Variants in NPAT observed in about 807,000 individuals in gnomAD.
The protein encoded by NPAT is protein NPAT.
NPAT carries 52 observed loss-of-function variants against 130.7 expected under a neutral mutation model. The ratio of observed to expected loss-of-function variants is 0.40; its 90% confidence interval spans 0.32 to 0.50. NPAT has a LOEUF of 0.50. Ranked by LOEUF, NPAT falls within the 20% of genes least tolerant of loss-of-function variation. The pLI, the probability that NPAT is intolerant of heterozygous loss-of-function variation, is 0.68. For synonymous variants in NPAT, 580 were observed against 584.8 expected, an observed-to-expected ratio of 0.99 and a Z score of 0.12; for missense variants, 1,687 against 1,662.6, an observed-to-expected ratio of 1.01 and a Z score of -0.26.
At chr11:108,192,085 A>G (rs781661299) in intron 4 of NPAT, 33 bp downstream of exon 4, 16 of 1,430,554 alleles carry the variant, frequency 1.1e-5, no homozygotes. Flanking sequence ...TTTGCATTCC[A>G]AAATCATTAG....
chr11:108,208,225 T>C (rs548690509), intron 1 of NPAT, among the ~76,000 whole-genome samples: 125 of 152,286 alleles, frequency 8.2e-4, no homozygotes, highest in African/African-American at 2.6e-3. Context: ...AATTTTTGCA[T>C]TAGGGATACT....
chr11:108,163,225 G>A (rs913953414), intron 15 of NPAT, among the ~76,000 whole-genome samples: 22 of 152,042 alleles, frequency 1.4e-4, no homozygotes, highest in Admixed American at 2.0e-4. Flanking sequence ...GATTACAGGT[G>A]CACGCTGCCA....
At chr11:108,176,730 A>G (rs1433061810) in intron 11 of NPAT, among the ~76,000 whole-genome samples, 1 of 152,102 alleles carries the variant, frequency 6.6e-6, no homozygotes, top group Non-Finnish European at 1.5e-5. Flanking sequence ...ACATTTGTAT[A>G]GTGGTAGACA....
intron 10 of NPAT, among the ~76,000 whole-genome samples, chr11:108,182,296 T>C (rs755781381): frequency 8.5e-5 from 13 of 152,116 alleles, no homozygotes; most frequent in Non-Finnish European, 1.8e-4. Flanking sequence ...GACTTCTAAG[T>C]GTCAAAGAAG....
Position 108,172,462 on chromosome 11 carries a change from G to A in NPAT, c.2522C>T (p.Pro841Leu). ...ATATCCTCCATCCTTGGAAACACAT[G>A]GTGTAACATTAGCTGAAAAAGCAAT... The part of the protein sequence containing the change: ...DGIAFSANVT[P>L]CVSKDGGYIQ... The change falls in exon 13 of 18, where the codon CCA (proline) becomes CTA (leucine). Residue 841 changes from proline (P) to leucine (L), a missense_variant. Physicochemically the swap from Pro to Leu is moderately conservative, Grantham distance 98 (BLOSUM62 -3). Transcript: ENST00000278612. 6.2e-7 allele frequency: 1 copy of A among 1,614,128 alleles called. No individual in the cohort carries two copies. The highest frequency in any genetic ancestry group is 8.5e-7 in the Non-Finnish European group (1 of 1,179,980).
chr11:108,193,764 A>C (rs1047997948), intron 3 of NPAT, among the ~76,000 whole-genome samples, 193 bp downstream of exon 3: 2 of 152,038 alleles, frequency 1.3e-5, no homozygotes, highest in East Asian at 3.9e-4. Context: ...AACCAAAAAA[A>C]CAAAACAAAA....
chr11:108,221,284 C>T (rs1311957722), intron 1 of NPAT, among the ~76,000 whole-genome samples: 2 of 151,926 alleles, frequency 1.3e-5, no homozygotes, highest in African/African-American at 2.4e-5. Context: ...AGGATAGCTC[C>T]CCACAATAAA....
Position 108,173,747 on chromosome 11 carries a change from G to C in NPAT, c.1237C>G (p.Gln413Glu). The part of the protein sequence containing the change: ...NNHDVLRQED[Q>E]ENFSQISTSI... ...GTACTTATTTGGGAAAAATTTTCCT[G>C]GTCTTCTTGTCTAAGCACATCATGG... The change falls in exon 13 of 18, where the codon CAG becomes GAG. Residue 413 changes from glutamine to glutamate, a missense_variant. Transcript: ENST00000278612. 1 of 1,613,982 alleles carries C rather than the reference G, an allele frequency of 6.2e-7. No individual in the cohort carries two copies. The highest frequency in any genetic ancestry group is 1.1e-5 in the South Asian group (1 of 91,078).
chr11:108,161,569 T>C lies in NPAT; in HGVS notation c.3517A>G (p.Ser1173Gly). ...GGATTTTTCTGTCTTTCTACATCGC[T>C]GCATAATTCATTCTCCTTATTAGCT... Reference protein sequence around the residue: ...ATANKENELCSDVERQKNPEN... With the variant: ...ATANKENELCGDVERQKNPEN... The change falls in exon 17 of 18, where the codon AGC becomes GGC. Residue 1173 changes from serine (S) to glycine (G), a missense_variant. Ser to Gly is a moderately conservative substitution (Grantham distance 56). Transcript: ENST00000278612. 6.2e-7 allele frequency: 1 copy of C among 1,614,216 alleles called. No homozygotes were observed. The highest frequency in any genetic ancestry group is 8.5e-7 in the Non-Finnish European group (1 of 1,180,026).
At position 108,222,632 on chromosome 11, in the gene NPAT, C is replaced by G. The variant is rs942455067; in HGVS notation, c.-96G>C. The G allele has an allele frequency of 6.7e-6, 9 of 1,343,484 alleles. No homozygotes were observed. The highest frequency in any genetic ancestry group is 1.8e-4 in the Middle Eastern group (1 of 5,608). 83.2% of individuals were successfully genotyped at this position (1,343,484 alleles called of 1,614,324 possible). On this transcript the variant is annotated 5_prime_UTR_variant, in exon 1 of 18. Transcript: ENST00000278612. ...GCGCCGCATCTCCTGGTTCCAGTGGCGGCACTGAACTCGCGGCAATTTGTC... is the reference window on the plus strand; with the variant it reads ...GCGCCGCATCTCCTGGTTCCAGTGGGGGCACTGAACTCGCGGCAATTTGTC...
Position 108,172,329 on chromosome 11 carries a change from A to T in NPAT, c.2655T>A (p.Ser885=), listed in dbSNP as rs1319654434. 2 of 1,614,220 alleles carry T rather than the reference A, an allele frequency of 1.2e-6. No homozygotes were observed. Among genetic ancestry groups the T allele is most frequent in the Admixed American group, 3.3e-5 (2 of 60,032 alleles). Residue 885 remains serine, a synonymous_variant, in exon 13 of 18, where the codon TCT becomes TCA. Coordinates refer to ENST00000278612, the MANE Select transcript of NPAT (RefSeq NM_002519.3). ...AATTTCCAGGCAACACCACTACATT[A>T]GACTGACTTACAGATGTTCCTAACG... ...PTALGTSVSQ[S]NVVVLPGNSA...
At chr11:108,186,684 C>A in intron 7 of NPAT, 115 bp from the exon 8 acceptor site, 1 of 861,100 alleles carries the variant, frequency 1.2e-6, no homozygotes, top group Non-Finnish European at 1.9e-6. Context: ...TACAGTTGTC[C>A]CTGTATCTGC....
At chr11:108,164,875 G>GTGAT (rs1043757095) in intron 15 of NPAT, among the ~76,000 whole-genome samples, 8 of 152,158 alleles carry the variant, frequency 5.3e-5, no homozygotes, top group South Asian at 2.1e-4. Context: ...GCTGGGCATG[G>GTGAT]TGATGCGTGC....
chr11:108,203,485 G>A (rs773295184), intron 1 of NPAT, among the ~76,000 whole-genome samples: 1 of 152,074 alleles, frequency 6.6e-6, no homozygotes, highest in African/African-American at 2.4e-5. Context: ...TCGAGTAAAG[G>A]CCTGGGAAAA....
rs140510816 is a variant in NPAT, at chr11:108,186,690, T to C, written c.639-121A>G. On this transcript the variant is annotated intron_variant, in intron 7 of 17. Coordinates refer to ENST00000278612, the MANE Select transcript of NPAT (RefSeq NM_002519.3). ...CAGAACAGATACAGTTGTCCCTGTATCTGCAGGGGGCTGGTTTCAGGACCC... is the reference window on the plus strand; with the variant it reads ...CAGAACAGATACAGTTGTCCCTGTACCTGCAGGGGGCTGGTTTCAGGACCC... The C allele has an allele frequency of 9.7e-4, 804 of 830,890 alleles. 4 individuals are homozygous for C. In the African/African-American group the frequency reaches 9.9e-3, roughly 10 times the overall value. The allele number at this position is 830,890 out of a possible 1,614,324, so 51.5% of individuals were successfully genotyped here.
At chr11:108,177,865 T>G (rs376164767) in intron 10 of NPAT, among the ~76,000 whole-genome samples, 1 of 151,910 alleles carries the variant, frequency 6.6e-6, no homozygotes, top group East Asian at 1.9e-4. Context: ...AAACTACACA[T>G]GTGTGCCACC....
chr11:108,206,422 C>T (rs988417705), intron 1 of NPAT, among the ~76,000 whole-genome samples: 5 of 152,200 alleles, frequency 3.3e-5, no homozygotes, highest in African/African-American at 1.2e-4. Flanking sequence ...TGAGCTCAGC[C>T]ACCGAGCATA....
intron 15 of NPAT, among the ~76,000 whole-genome samples, chr11:108,169,512 A>G (rs781508822): frequency 1.2e-4 from 18 of 152,262 alleles, no homozygotes; most frequent in Non-Finnish European, 1.5e-4. Context: ...TGCAAAGAAC[A>G]AACCAAGGAC....
At chr11:108,170,866 A>T (rs1348593835) in intron 13 of NPAT, among the ~76,000 whole-genome samples, 1 of 152,244 alleles carries the variant, frequency 6.6e-6, no homozygotes, top group East Asian at 1.9e-4. Context: ...AATTTGTAAC[A>T]GCACGTAAAA....
Sources: allele counts gnomAD v4.1 joint callset (sites outside exome capture counted in the v4.1 genomes callset), GRCh38; gene constraint gnomAD v4.1.1; transcripts MANE v1.5; gene names NCBI Gene and HGNC (gene_info 2026-07-23, HGNC 2026-07-21).